Variants in NHSL1 observed in about 807,000 individuals in gnomAD.
NHSL1 encodes NHS like 1.
A neutral mutation model predicts 95.0 loss-of-function variants in NHSL1; 48 were observed. That is an observed-to-expected ratio of 0.51 (90% CI 0.40 to 0.64). The LOEUF is 0.64. Ranked by LOEUF, NHSL1 falls within the 30% of genes least tolerant of loss-of-function variation. NHSL1 has a pLI of 0.00. For missense variants in NHSL1, 1,971 were observed against 2,077.7 expected (o/e 0.95, Z 1.00); for synonymous variants, 783 against 833.9 (o/e 0.94, Z 1.05).
intron 1 of NHSL1, among the ~76,000 whole-genome samples, chr6:138,507,981 T>C (rs1189123377): frequency 3.3e-5 from 5 of 152,180 alleles, no homozygotes; most frequent in African/African-American, 9.6e-5. Flanking sequence ...GAAACACCCT[T>C]TACTCTGCAT....
chr6:138,503,674 A>G (rs1780806631), upstream of NHSL1, among the ~76,000 whole-genome samples: 1 of 152,196 alleles, frequency 6.6e-6, no homozygotes, highest in Non-Finnish European at 1.5e-5. Flanking sequence ...AGAGAAAAAG[A>G]CGGCTGGCTC....
At chr6:138,638,761 T>A (rs979272756) in intron 1 of NHSL1, among the ~76,000 whole-genome samples, 2 of 152,218 alleles carry the variant, frequency 1.3e-5, no homozygotes, top group African/African-American at 2.4e-5. Context: ...CTTCCAACCC[T>A]CTGCTGTCTT....
chr6:138,543,240 C>G (rs973754618), intron 1 of NHSL1, among the ~76,000 whole-genome samples: 7 of 152,176 alleles, frequency 4.6e-5, no homozygotes, highest in African/African-American at 1.2e-4. Flanking sequence ...GAGACCTTAG[C>G]TGAACTTCGC....
intron 3 of NHSL1, among the ~76,000 whole-genome samples, chr6:138,465,379 C>G (rs1778292989): frequency 6.6e-6 from 1 of 152,166 alleles, no homozygotes; most frequent in South Asian, 2.1e-4. Flanking sequence ...TGAATGCCAC[C>G]ATCTCCTAAC....
intron 1 of NHSL1, chr6:138,691,981 AAG>A: frequency 4.4e-6 from 2 of 456,684 alleles, no homozygotes; most frequent in South Asian, 1.5e-5. Flanking sequence ...AGGCGGCGGG[AAG>A]AGAGGTGGCA....
upstream of NHSL1, among the ~76,000 whole-genome samples, chr6:138,575,140 C>T (rs1354671042): frequency 8.5e-5 from 13 of 152,150 alleles, no homozygotes; most frequent in Admixed American, 7.9e-4. Flanking sequence ...CTCAGGTGAT[C>T]TGTCTGCCTC....
chr6:138,464,081 G>A lies in NHSL1; in HGVS notation c.339+9225C>T, dbSNP rs1474619306. On this transcript the variant is annotated intron_variant, in intron 3 of 7. Transcript: ENST00000343505. ...AATGAATGAGGGGGTGAGCAAGATG[G>A]TGGCCGCGCACGAGGTCAGGTGTTC... 1.6e-5 allele frequency: 7 copies of A among 447,758 alleles called. No individual in the cohort carries two copies. In the East Asian group the frequency reaches 1.8e-4, roughly 11 times the overall value. 27.7% of individuals were successfully genotyped at this position (447,758 alleles called of 1,614,324 possible).
At chr6:138,433,818 T>A in intron 5 of NHSL1, 138 bp from the exon 6 acceptor site, 1 of 1,281,994 alleles carries the variant, frequency 7.8e-7, no homozygotes, top group Non-Finnish European at 1.0e-6. Context: ...GGTATCTAAG[T>A]ACATTTAAAA....
intron 1 of NHSL1, among the ~76,000 whole-genome samples, chr6:138,624,226 G>C (rs1784705487): frequency 6.6e-6 from 1 of 152,168 alleles, no homozygotes; most frequent in South Asian, 2.1e-4. Flanking sequence ...GGATCACCTA[G>C]ACAGCTTGTT....
At chr6:138,541,179 C>T (rs986540518) in intron 1 of NHSL1, among the ~76,000 whole-genome samples, 16 of 152,170 alleles carry the variant, frequency 1.1e-4, no homozygotes, top group African/African-American at 3.9e-4. Context: ...TCAGCCTGGC[C>T]AACATGGTGA....
At chr6:138,484,647 A>G (rs1216215719) in intron 2 of NHSL1, among the ~76,000 whole-genome samples, 1 of 152,176 alleles carries the variant, frequency 6.6e-6, no homozygotes, top group Non-Finnish European at 1.5e-5. Flanking sequence ...ACCATAGACA[A>G]TCTCATTTTA....
intron 1 of NHSL1, among the ~76,000 whole-genome samples, chr6:138,657,707 C>T (rs6570252): frequency 0.041 from 6,004 of 147,676 alleles, 308 homozygotes; most frequent in African/African-American, 0.12. Context: ...CCCAGCTACT[C>T]GGGAGGCAGA....
At chr6:138,535,843 C>A (rs752466587) in intron 1 of NHSL1, among the ~76,000 whole-genome samples, 2 of 152,162 alleles carry the variant, frequency 1.3e-5, no homozygotes, top group Non-Finnish European at 2.9e-5. Flanking sequence ...TAGGAATTAT[C>A]GTAAACTGAG....
upstream of NHSL1, among the ~76,000 whole-genome samples, chr6:138,574,326 T>G (rs1394578886): frequency 6.6e-6 from 1 of 152,148 alleles, no homozygotes; most frequent in Non-Finnish European, 1.5e-5. Flanking sequence ...GAAAACACTT[T>G]TTGAGAGTCT....
intron 1 of NHSL1, among the ~76,000 whole-genome samples, chr6:138,677,642 TCCAATCACTGCCCC>T (rs2114777793): frequency 6.6e-6 from 1 of 152,272 alleles, no homozygotes; most frequent in East Asian, 1.9e-4. Flanking sequence ...TGTTGGCAGC[TCCAATCACTGCCCC>T]AAGCAGAGCC....
chr6:138,659,046 C>CTTTTTTTTTTT (rs771033274), intron 1 of NHSL1, among the ~76,000 whole-genome samples: 2 of 117,824 alleles, frequency 1.7e-5, no homozygotes, highest in Non-Finnish European at 3.5e-5. Context: ...TGTGGACTAT[C>CTTTTTTTTTTT]TTTTTTTTTT....
intron 1 of NHSL1, among the ~76,000 whole-genome samples, chr6:138,592,639 C>A (rs572198672): frequency 1.6e-5 from 2 of 128,990 alleles, no homozygotes; most frequent in Non-Finnish European, 3.3e-5. Context: ...AAAACAACAA[C>A]AAAAAAAACC....
chr6:138,609,212 G>A (rs1328551760), intron 1 of NHSL1, among the ~76,000 whole-genome samples: 1 of 152,170 alleles, frequency 6.6e-6, no homozygotes, highest in Non-Finnish European at 1.5e-5. Context: ...AGGGTGGGCA[G>A]AATGCATAGG....
intron 1 of NHSL1, among the ~76,000 whole-genome samples, chr6:138,681,730 C>T (rs1420657795): frequency 2.6e-5 from 4 of 152,064 alleles, no homozygotes; most frequent in Non-Finnish European, 2.9e-5. Flanking sequence ...TTTTACACAT[C>T]GTGGTCTCTG....
Sources: gnomAD v4.1 joint callset for allele counts (sites outside exome capture counted in the v4.1 genomes callset) on GRCh38, gnomAD v4.1.1 for gene constraint, MANE v1.5 for transcripts, NCBI Gene and HGNC (gene_info 2026-07-23, HGNC 2026-07-21) for gene names.